Variants in SPATA13 observed in about 807,000 individuals in gnomAD.
SPATA13 encodes the protein spermatogenesis associated 13.
A neutral mutation model predicts 104.0 loss-of-function variants in SPATA13; 50 were observed. The ratio of observed to expected loss-of-function variants is 0.48; its 90% CI spans 0.38 to 0.61. The LOEUF (loss-of-function observed/expected upper bound fraction) is 0.61, where lower values mean the gene tolerates loss of function less well. Ranked by LOEUF, SPATA13 falls within the 20% of genes least tolerant of loss-of-function variation. The probability of loss-of-function intolerance (pLI) is 0.00; values close to 1 mark genes in which losing one functional copy is unlikely to be tolerated. For missense variants in SPATA13, 1,524 were observed against 1,690.6 expected, an observed-to-expected ratio of 0.90 and a Z score of 1.73; for synonymous variants, 606 against 667.5, an observed-to-expected ratio of 0.91 and a Z score of 1.42.
At chr13:24,037,942 C>T (rs971869596) in intron 3 of SPATA13, among the ~76,000 whole-genome samples, 2 of 151,708 alleles carry the variant, frequency 1.3e-5, no homozygotes, top group African/African-American at 2.4e-5. Context: ...AATGGAGTCT[C>T]GCTCTGTCAC....
At chr13:24,123,389 G>T in intron 3 of SPATA13, 2 of 1,280,850 alleles carry the variant, frequency 1.6e-6, no homozygotes, top group Non-Finnish European at 2.3e-6. Flanking sequence ...CTCTCATGTA[G>T]CCTAGTTCAC....
intron 3 of SPATA13, among the ~76,000 whole-genome samples, chr13:24,118,915 T>TC (rs1566110469): frequency 6.8e-6 from 1 of 147,588 alleles, no homozygotes; most frequent in Non-Finnish European, 1.5e-5. Flanking sequence ...TCTTTTCTTT[T>TC]TTTTTTTTGA....
chr13:23,983,118 A>T (rs1031804292), intron 1 of SPATA13, among the ~76,000 whole-genome samples: 3 of 152,182 alleles, frequency 2.0e-5, no homozygotes, highest in African/African-American at 7.2e-5. Flanking sequence ...GTTGGGAGAG[A>T]GTGTCTTTGT....
At chr13:24,291,762 T>TA in intron 9 of SPATA13, among the ~76,000 whole-genome samples, 3 of 129,662 alleles carry the variant, frequency 2.3e-5, no homozygotes, top group African/African-American at 8.0e-5. Context: ...TTTTATTTTT[T>TA]TTTTTGAGAC....
chr13:24,146,799 C>T (rs1193253983), intron 3 of SPATA13, among the ~76,000 whole-genome samples: 2 of 152,184 alleles, frequency 1.3e-5, no homozygotes, highest in African/African-American at 4.8e-5. Flanking sequence ...GCCCTCTACA[C>T]ACTACGGAAT....
chr13:24,222,537 A>G (rs1408225163), intron 1 of SPATA13, among the ~76,000 whole-genome samples: 5 of 152,176 alleles, frequency 3.3e-5, no homozygotes, highest in Admixed American at 6.5e-5. Flanking sequence ...TTTTCATTCC[A>G]GCGGTTTTTT....
chr13:24,204,844 TATCAATC>T lies in SPATA13; in HGVS notation c.-111-17973_-111-17967del, dbSNP rs564654109. Among the ~76,000 whole-genome samples, 9 of 152,360 alleles carry T rather than the reference TATCAATC, an allele frequency of 5.9e-5. No individual in the cohort carries two copies. In the East Asian group the frequency reaches 1.2e-3, roughly 20 times the overall value. ...ATATACCACATTTTCCTTATCCATT[TATCAATC>T]AGTGAACATTTGGGTTGTTTCTGCC... is the stretch of plus-strand genomic sequence containing the variant. On this transcript the variant is annotated intron_variant, in intron 1 of 12. Transcript: ENST00000382108.
intron 3 of SPATA13, among the ~76,000 whole-genome samples, chr13:24,095,830 G>A (rs376973419): frequency 1.1e-4 from 17 of 152,288 alleles, no homozygotes; most frequent in African/African-American, 2.2e-4. Flanking sequence ...TGTAAAAACC[G>A]TCATTTCTAT....
Position 24,201,930 on chromosome 13 carries a change from G to T in SPATA13, c.-111-20889G>T, listed in dbSNP as rs551964285. Among the ~76,000 whole-genome samples the T allele has an allele frequency of 5.3e-5, 8 of 152,244 alleles. No individual in the cohort carries two copies. The East Asian group carries it at 1.5e-3, about 29-fold the overall frequency. ...TCCATAGTTTTGCCTTTTCCAGAAT[G>T]TCATGTAGTTGGAATCATGTAGTAT... is the stretch of plus-strand genomic sequence containing the variant. On this transcript the variant is annotated intron_variant, in intron 1 of 12. Transcript: ENST00000382108.
At chr13:24,118,176 C>T (rs558864524) in intron 3 of SPATA13, among the ~76,000 whole-genome samples, 1 of 152,280 alleles carries the variant, frequency 6.6e-6, no homozygotes, top group South Asian at 2.1e-4. Flanking sequence ...ACTGCAGAAG[C>T]CAGGTGCTGG....
At position 24,273,686 on chromosome 13, in the gene SPATA13, T is replaced by C. The variant is rs1183163053; in HGVS notation, c.2165-10449T>C. The stretch of plus-strand genomic sequence containing the variant: ...GATATAAACTTAATAATAACTATAA[T>C]GTAAATGCGATACATATTTTAAAAG... On this transcript the variant is annotated intron_variant, in intron 4 of 12. Coordinates refer to ENST00000382108, the MANE Select transcript of SPATA13 (RefSeq NM_001166271.3). Among the ~76,000 whole-genome samples the C allele has an allele frequency of 6.6e-5, 10 of 152,302 alleles. No individual in the cohort carries two copies. In the East Asian group the frequency reaches 1.9e-3, roughly 29 times the overall value.
intron 3 of SPATA13, among the ~76,000 whole-genome samples, chr13:24,074,638 TA>T (rs35793567): frequency 0.78 from 117,879 of 151,430 alleles, 46,133 homozygotes; most frequent in Non-Finnish European, 0.82. Context: ...GTAAAGTGAT[TA>T]AAAAAAAAAC....
At chr13:24,049,391 G>T (rs1237615976) in intron 3 of SPATA13, among the ~76,000 whole-genome samples, 1 of 152,206 alleles carries the variant, frequency 6.6e-6, no homozygotes, top group African/African-American at 2.4e-5. Context: ...TGTTGCCTGG[G>T]AGCAATAGGC....
rs893415034 is a variant in SPATA13, at chr13:24,088,405, C to G, written c.-112+70704C>G. Among the ~76,000 whole-genome samples the G allele has an allele frequency of 2.0e-5, 3 of 152,250 alleles. No homozygotes were observed. The highest frequency in any genetic ancestry group is 7.2e-5 in the African/African-American group (3 of 41,550). On this transcript the variant is annotated intron_variant, in intron 3 of 14. Transcript: ENST00000424834. The surrounding 1 kb of genome is among the most constrained non-coding windows in gnomAD (Gnocchi z 4.3). ...TGCACTCCATGCTCCAGTGTGGAGC[C>G]GCAGTTTCCTTTCTTCCTCTTGAGA...
rs188267281 is a variant in SPATA13 at position 24,106,272 on chromosome 13, A to G, written c.-112+88571A>G. Among the ~76,000 whole-genome samples, 3 of 152,236 alleles carry G rather than the reference A, an allele frequency of 2.0e-5. No homozygotes were observed. The East Asian group carries it at 5.8e-4, about 29-fold the overall frequency. On this transcript the variant is annotated intron_variant, in intron 3 of 14. Coordinates refer to the SPATA13 transcript ENST00000424834. ...TGGCCTCATACTCCTGGCCTCAGTG[A>G]TCTTTCTGCCTTGGCCTCCCAAAAC...
At chr13:24,041,797 G>A (rs1334714486) in intron 3 of SPATA13, among the ~76,000 whole-genome samples, 1 of 152,184 alleles carries the variant, frequency 6.6e-6, no homozygotes, top group Non-Finnish European at 1.5e-5. Context: ...AGGAAGGTGG[G>A]AAAGCGTGAG....
chr13:24,104,234 A>G (rs7999364), intron 3 of SPATA13, among the ~76,000 whole-genome samples: 17,214 of 151,532 alleles, frequency 0.11, 1,410 homozygotes, highest in African/African-American at 0.23. Flanking sequence ...GTAAAGCTAG[A>G]ATGGGTTTTT....
Position 24,223,287 on chromosome 13 carries a change from TCA to T in SPATA13, c.359_360del (p.Ser120CysfsTer116). On this transcript the variant is annotated frameshift_variant, in exon 2 of 13. Transcript: ENST00000382108. LOFTEE classifies it high-confidence loss of function. ...GGGATCCTTTAAGAAACTGAAGTCC[TCA>T]GTCCTGAAAGGAATTCAGAGCCGAG... is the stretch of plus-strand genomic sequence containing the variant. ...KMGSFKKLKS[S>X]VLKGIQSREG... 1 of 1,551,634 alleles carries T rather than the reference TCA, an allele frequency of 6.4e-7. No individual in the cohort carries two copies. The highest frequency in any genetic ancestry group is 8.7e-7 in the Non-Finnish European group (1 of 1,146,992).
At chr13:24,022,464 C>T (rs1480708774) in intron 3 of SPATA13, among the ~76,000 whole-genome samples, 1 of 152,134 alleles carries the variant, frequency 6.6e-6, no homozygotes, top group East Asian at 1.9e-4. Context: ...CTAGAGGTAA[C>T]TTTAAAATTT....
Sources: allele counts gnomAD v4.1 joint callset (sites outside exome capture counted in the v4.1 genomes callset), GRCh38; gene constraint gnomAD v4.1.1; non-coding constraint Gnocchi (gnomAD v3.1); transcripts MANE v1.5; gene names NCBI Gene and HGNC (gene_info 2026-07-23, HGNC 2026-07-21).